PCDHGA3: variants seen among roughly 807,000 people sequenced by gnomAD.
PCDHGA3 encodes the protein protocadherin gamma-A3.
A neutral mutation model predicts 58.5 loss-of-function variants in PCDHGA3; 40 were observed. The observed-to-expected ratio is 0.68, with a 90% CI of 0.53 to 0.89. The LOEUF is 0.89. PCDHGA3 is among the 40% of genes least tolerant of loss of function. The pLI is 0.00. For missense variants in PCDHGA3, 1,223 were observed against 1,195.9 expected (o/e 1.02, Z -0.33); for synonymous variants, 530 against 525.7 (o/e 1.01, Z -0.11).
chr5:141,351,058 G>A, intron 1 of PCDHGA3: 1 of 1,614,064 alleles, frequency 6.2e-7, no homozygotes, highest in African/African-American at 1.3e-5. Flanking sequence ...CCACAGACCA[G>A]GATGAGGGCA....
intron 1 of PCDHGA3, chr5:141,408,823 T>G: frequency 4.3e-6 from 7 of 1,613,568 alleles, no homozygotes; most frequent in Non-Finnish European, 5.9e-6. Flanking sequence ...AACAGAGATC[T>G]CATAGCTTGA....
intron 1 of PCDHGA3, among the ~76,000 whole-genome samples, chr5:141,475,215 T>C (rs768665396): frequency 2.6e-5 from 4 of 152,176 alleles, no homozygotes; most frequent in Non-Finnish European, 5.9e-5. Flanking sequence ...AAAGGATTGA[T>C]CAAGTAAAGG....
chr5:141,365,776 C>T (rs764374830), intron 1 of PCDHGA3: 6 of 1,613,892 alleles, frequency 3.7e-6, no homozygotes, highest in South Asian at 1.1e-5. Flanking sequence ...CCGACAGCGG[C>T]GACAACGCTC....
At chr5:141,504,364 G>A (rs764741297) in intron 2 of PCDHGA3, among the ~76,000 whole-genome samples, 2 of 152,116 alleles carry the variant, frequency 1.3e-5, no homozygotes, top group African/African-American at 2.4e-5. Flanking sequence ...GCTTCAGTAG[G>A]AAGCAGGTGG....
At chr5:141,401,115 G>A (rs923480761) in intron 1 of PCDHGA3, among the ~76,000 whole-genome samples, 8 of 152,092 alleles carry the variant, frequency 5.3e-5, no homozygotes, top group Admixed American at 3.9e-4. Context: ...AGGCCGAGGC[G>A]GTTGGATCAC....
chr5:141,344,721 G>A lies in PCDHGA3; in HGVS notation c.688G>A (p.Val230Met). 6.2e-7 allele frequency: 1 copy of A among 1,613,990 alleles called. No individual in the cohort carries two copies. Among genetic ancestry groups the A allele is most frequent in the Non-Finnish European group, 8.5e-7 (1 of 1,179,906 alleles). ...CCACTCTGGCAACTTGCACATCCAAGTGATAGTCCTGGATGCAAATGACAA... is the reference window on the plus strand; with the variant it reads ...CCACTCTGGCAACTTGCACATCCAAATGATAGTCCTGGATGCAAATGACAA... ...PVHSGNLHIQ[V>M]IVLDANDNPP... Residue 230 changes from valine to methionine, a missense_variant, in exon 1 of 4, where the codon GTG becomes ATG. By Grantham distance (21) the Val-to-Met change is conservative (BLOSUM62 1). This residue lies in a region of PCDHGA3 where 791 missense variants were observed against 708.5 expected (regional missense o/e 1.12). Transcript: ENST00000253812.
At chr5:141,375,802 T>A (rs754541889) in intron 1 of PCDHGA3, 3 of 1,614,190 alleles carry the variant, frequency 1.9e-6, no homozygotes, top group East Asian at 2.2e-5. Flanking sequence ...ACGGTTCCAC[T>A]GGCGTGGAGC....
At chr5:141,501,583 T>C (rs1270487304) in intron 2 of PCDHGA3, among the ~76,000 whole-genome samples, 1 of 152,054 alleles carries the variant, frequency 6.6e-6, no homozygotes, top group Non-Finnish European at 1.5e-5. Context: ...GGCTTTCAGG[T>C]TGCAACTCTA....
chr5:141,403,388 G>A (rs1376620471), intron 1 of PCDHGA3: 1 of 1,613,904 alleles, frequency 6.2e-7, no homozygotes, highest in African/African-American at 1.3e-5. Context: ...TAACGAAATC[G>A]CGGTTCCTGG....
At chr5:141,355,485 C>T (rs1024041667) in intron 1 of PCDHGA3, 1 of 1,614,082 alleles carries the variant, frequency 6.2e-7, no homozygotes, top group Middle Eastern at 1.6e-4. Flanking sequence ...GGGAGGAGCT[C>T]TGCGACAGAT....
rs375597452 is a variant in PCDHGA3 at position 141,403,865 on chromosome 5, A to G, written c.2424+57408A>G. ...AAATACTGGGGAAATATCAACAGCA[A>G]AAAGTCTAGATTATGAAGAATGTTC... On this transcript the variant is annotated intron_variant, in intron 1 of 3. Transcript: ENST00000253812. 40 of 1,613,808 alleles carry G rather than the reference A, an allele frequency of 2.5e-5. No individual in the cohort carries two copies. The African/African-American group carries it at 5.2e-4, about 21-fold the overall frequency.
At chr5:141,478,618 G>A (rs1374855853) in intron 1 of PCDHGA3, 1 of 1,556,056 alleles carries the variant, frequency 6.4e-7, no homozygotes, top group Non-Finnish European at 8.7e-7. Flanking sequence ...GGAAGGAATG[G>A]AGCTGTTTTT....
intron 1 of PCDHGA3, chr5:141,350,239 A>G: frequency 6.7e-7 from 1 of 1,503,466 alleles, no homozygotes; most frequent in Non-Finnish European, 8.9e-7. Flanking sequence ...AGAGGAAAGA[A>G]GCTCCGCGGA....
intron 1 of PCDHGA3, among the ~76,000 whole-genome samples, chr5:141,467,591 T>C (rs765816743): frequency 3.3e-5 from 5 of 152,360 alleles, no homozygotes; most frequent in South Asian, 4.1e-4. Flanking sequence ...ATGCCATTTA[T>C]TAAGCACTTC....
In PCDHGA3 at chr5:141,399,103, C is replaced by G. The variant is rs376000100; in HGVS notation, c.2424+52646C>G. The G allele has an allele frequency of 1.6e-5, 26 of 1,613,722 alleles. No homozygotes were observed. The South Asian group carries it at 2.9e-4, about 18-fold the overall frequency. On this transcript the variant is annotated intron_variant, in intron 1 of 3. Transcript: ENST00000253812. ...GAGGGATGGTGGTGGACTGGTTGCA[C>G]AATGTACAGTTGAAATTAATATTCA... is the stretch of plus-strand genomic sequence containing the variant.
intron 3 of PCDHGA3, among the ~76,000 whole-genome samples, chr5:141,510,272 T>TA (rs546154379): frequency 0.17 from 22,022 of 130,294 alleles, 2,255 homozygotes; most frequent in African/African-American, 0.28. Flanking sequence ...GACTCCATCT[T>TA]AAAAAAAAAA....
chr5:141,392,548 T>C (rs1252345592), intron 1 of PCDHGA3: 1 of 344,860 alleles, frequency 2.9e-6, no homozygotes, highest in African/African-American at 2.1e-5. Context: ...AAGTAATCTG[T>C]ATCTCAGTGC....
chr5:141,446,256 T>C lies in PCDHGA3; in HGVS notation c.2425-48551T>C, dbSNP rs535879308. On this transcript the variant is annotated intron_variant, in intron 1 of 3. Transcript: ENST00000253812. Reference sequence around the variant, plus strand: ...CAAGTGGTAGATCTTCAGTGAAATATTATTAACTGAATAAATACAATGGAT... The same window carrying C: ...CAAGTGGTAGATCTTCAGTGAAATACTATTAACTGAATAAATACAATGGAT... Among the ~76,000 whole-genome samples the C allele has an allele frequency of 2.0e-5, 3 of 152,310 alleles. No homozygotes were observed. The East Asian group carries it at 5.8e-4, about 29-fold the overall frequency.
At chr5:141,456,723 G>A (rs1005891499) in intron 1 of PCDHGA3, among the ~76,000 whole-genome samples, 3 of 152,196 alleles carry the variant, frequency 2.0e-5, no homozygotes, top group Admixed American at 6.5e-5. Flanking sequence ...CCAGCACTTT[G>A]GGAGGCTGAG....
Sources: allele counts gnomAD v4.1 joint callset (sites outside exome capture counted in the v4.1 genomes callset), GRCh38; gene constraint gnomAD v4.1.1; regional missense constraint gnomAD v4.1.1; transcripts MANE v1.5; gene names NCBI Gene and HGNC (gene_info 2026-07-23, HGNC 2026-07-21).